TMPRSS12: variants seen among roughly 807,000 people sequenced by gnomAD.
TMPRSS12 encodes the protein transmembrane protease serine 12.
Under a neutral mutation model 26.0 loss-of-function variants are expected in TMPRSS12, and 25 were observed. The observed-to-expected ratio is 0.96, with a 90% confidence interval of 0.70 to 1.34. The LOEUF is 1.34. Among genes scored for constraint, TMPRSS12 ranks in the 40% most tolerant of loss-of-function variants. The probability of loss-of-function intolerance (pLI) is 0.00; values close to 1 mark genes in which losing one functional copy is unlikely to be tolerated. For synonymous variants in TMPRSS12, 150 were observed against 161.7 expected (o/e 0.93, Z 0.55); for missense variants, 441 against 440.1 (o/e 1.00, Z -0.02).
At chr12:50,856,650 AT>A (rs1937880215) in intron 2 of TMPRSS12, among the ~76,000 whole-genome samples, 1 of 151,140 alleles carries the variant, frequency 6.6e-6, no homozygotes, top group African/African-American at 2.4e-5. Flanking sequence ...TAAAAAAAAA[AT>A]AAGTAGAACA....
chr12:50,844,304 C>CA (rs1436689036), intron 2 of TMPRSS12, among the ~76,000 whole-genome samples: 2 of 151,874 alleles, frequency 1.3e-5, no homozygotes, highest in Admixed American at 1.3e-4. Context: ...ATCAACCCAT[C>CA]ATCTAACTAC....
chr12:50,877,645 G>C (rs1938125003), intron 3 of TMPRSS12, among the ~76,000 whole-genome samples: 1 of 152,150 alleles, frequency 6.6e-6, no homozygotes, highest in African/African-American at 2.4e-5. Flanking sequence ...CTTTCACCCA[G>C]GGTGGAGTGC....
chr12:50,883,728 G>T (rs2139739270), intron 3 of TMPRSS12, among the ~76,000 whole-genome samples: 1 of 152,290 alleles, frequency 6.6e-6, no homozygotes, highest in South Asian at 2.1e-4. Context: ...TCTCAGCTGG[G>T]TGCAGTGGCT....
chr12:50,848,093 TTA>T (rs1050264831), intron 2 of TMPRSS12: 26 of 151,894 alleles, frequency 1.7e-4, no homozygotes, highest in African/African-American at 6.0e-4. Flanking sequence ...GGTGATAACT[TTA>T]TGTTTTAAGT....
chr12:50,863,005 C>A (rs570286833), intron 3 of TMPRSS12, among the ~76,000 whole-genome samples: 89 of 152,014 alleles, frequency 5.9e-4, no homozygotes, highest in African/African-American at 2.0e-3. Flanking sequence ...CCAGCCTGAG[C>A]AACATAGGGA....
rs113457544 is a variant in TMPRSS12, at chr12:50,884,821, G to A, written c.653-425G>A. ...TGGGAGGCAGAGGTTGTAGTGAGCCGAGATCACGCCACTGCACTGCAGCCT... is the reference window on the plus strand; with the variant it reads ...TGGGAGGCAGAGGTTGTAGTGAGCCAAGATCACGCCACTGCACTGCAGCCT... On this transcript the variant is annotated intron_variant, in intron 3 of 4. Coordinates refer to ENST00000398458, the MANE Select transcript of TMPRSS12 (RefSeq NM_182559.3). Among the ~76,000 whole-genome samples, 42 of 151,520 alleles carry A rather than the reference G, an allele frequency of 2.8e-4. 2 individuals are homozygous for A. Among genetic ancestry groups the A allele is most frequent in the African/African-American group, 8.0e-4 (33 of 41,230 alleles).
At chr12:50,873,552 C>T (rs10876108) in intron 3 of TMPRSS12, among the ~76,000 whole-genome samples, 98,319 of 151,892 alleles carry the variant, frequency 0.65, 32,009 homozygotes, top group South Asian at 0.69. Flanking sequence ...AAGTATAAGA[C>T]GTAAGAAGGA....
rs767827960 is a variant in TMPRSS12 at position 50,885,322 on chromosome 12, T to G, written c.729T>G (p.Tyr243Ter). The change falls in exon 4 of 5, where the codon TAT becomes TAG. Residue 243 changes from tyrosine (Y) to a stop codon, truncating the protein, a stop_gained. Coordinates refer to ENST00000398458, the MANE Select transcript of TMPRSS12 (RefSeq NM_182559.3). LOFTEE classifies it high-confidence loss of function. ...SREMCNSERS[Y>*]GGIIPNTSFC... ...AGATGTGTAATTCTGAGAGGAGTTA[T>G]GGGGGAATAATTCCTAACACTTCAT... 6.8e-6 allele frequency: 11 copies of G among 1,613,658 alleles called. No homozygotes were observed. The Admixed American group carries it at 1.8e-4, about 27-fold the overall frequency.
intron 2 of TMPRSS12, among the ~76,000 whole-genome samples, chr12:50,857,184 A>G (rs947215317): frequency 8.5e-5 from 13 of 152,212 alleles, no homozygotes; most frequent in African/African-American, 2.4e-4. Flanking sequence ...ACATTAAATT[A>G]TATAACATAA....
At chr12:50,881,094 G>T (rs1241607596) in intron 3 of TMPRSS12, among the ~76,000 whole-genome samples, 3 of 144,264 alleles carry the variant, frequency 2.1e-5, no homozygotes, top group African/African-American at 7.7e-5. Flanking sequence ...CAATCCTTCT[G>T]CCTCAGCCTC....
chr12:50,848,634 A>G (rs1014400772), intron 2 of TMPRSS12, among the ~76,000 whole-genome samples: 5 of 152,146 alleles, frequency 3.3e-5, no homozygotes, highest in African/African-American at 9.7e-5. Context: ...TGGCCTTCTC[A>G]TCAATTTTCA....
intron 3 of TMPRSS12, among the ~76,000 whole-genome samples, chr12:50,874,943 C>T (rs1938098986): frequency 6.6e-6 from 1 of 152,148 alleles, no homozygotes; most frequent in Admixed American, 6.5e-5. Context: ...ATAGATGACA[C>T]AAACAAATGC....
chr12:50,880,450 G>A (rs1938152472), intron 3 of TMPRSS12, among the ~76,000 whole-genome samples: 1 of 152,140 alleles, frequency 6.6e-6, no homozygotes. Context: ...GCAACTGCTA[G>A]AATGATAATC....
intron 2 of TMPRSS12, among the ~76,000 whole-genome samples, chr12:50,846,768 CAG>C (rs59229418): frequency 0.15 from 22,417 of 151,678 alleles, 2,853 homozygotes; most frequent in African/African-American, 0.35. Context: ...TTTGTAGAGA[CAG>C]AGTTTCACTA....
chr12:50,878,278 G>A (rs1938131293), intron 3 of TMPRSS12, among the ~76,000 whole-genome samples: 1 of 152,078 alleles, frequency 6.6e-6, no homozygotes, highest in Non-Finnish European at 1.5e-5. Context: ...CAACACATTG[G>A]GATAAAGACA....
intron 2 of TMPRSS12, among the ~76,000 whole-genome samples, chr12:50,846,292 G>A (rs1023607034): frequency 1.3e-5 from 2 of 151,998 alleles, no homozygotes; most frequent in East Asian, 3.9e-4. Flanking sequence ...TTAGGTCTTT[G>A]ATTCATTTTG....
At chr12:50,884,034 G>A (rs1419621964) in intron 3 of TMPRSS12, among the ~76,000 whole-genome samples, 1 of 152,112 alleles carries the variant, frequency 6.6e-6, no homozygotes, top group Non-Finnish European at 1.5e-5. Flanking sequence ...AAAATTAGAA[G>A]TCTCTTGATG....
chr12:50,872,796 A>C (rs1488179068), intron 3 of TMPRSS12, among the ~76,000 whole-genome samples: 254 of 112,352 alleles, frequency 2.3e-3, no homozygotes, highest in Middle Eastern at 5.4e-3. Flanking sequence ...TATATGACGT[A>C]TATATGTACA....
intron 3 of TMPRSS12, among the ~76,000 whole-genome samples, chr12:50,864,918 T>C (rs7301467): frequency 0.97 from 147,845 of 152,256 alleles, 71,953 homozygotes; most frequent in South Asian, 1. Flanking sequence ...CTCGGCCTCC[T>C]AAAGTGCTGG....
Sources: allele counts gnomAD v4.1 joint callset (sites outside exome capture counted in the v4.1 genomes callset), GRCh38; gene constraint gnomAD v4.1.1; transcripts MANE v1.5; gene names NCBI Gene and HGNC (gene_info 2026-07-23, HGNC 2026-07-21).